FAM171A1: variants seen among roughly 807,000 people sequenced by gnomAD.
FAM171A1 encodes the protein protein FAM171A1.
A neutral mutation model predicts 74.9 loss-of-function variants in FAM171A1; 23 were observed. That is an observed-to-expected ratio of 0.31 (90% confidence interval 0.22 to 0.44). The LOEUF (loss-of-function observed/expected upper bound fraction) is 0.44, where lower values mean the gene tolerates loss of function less well. Ranked by LOEUF, FAM171A1 falls within the 20% of genes least tolerant of loss-of-function variation. The pLI, the probability that FAM171A1 is intolerant of heterozygous loss-of-function variation, is 1.00. For synonymous variants in FAM171A1, 527 were observed against 505.7 expected, an observed-to-expected ratio of 1.04 and a Z score of -0.57; for missense variants, 1,162 against 1,159.2, an observed-to-expected ratio of 1.00 and a Z score of -0.03.
At chr10:15,372,036 A>AGG, upstream of FAM171A1, among the ~76,000 whole-genome samples, 1 of 152,256 alleles carries the variant, frequency 6.6e-6, no homozygotes, top group Admixed American at 6.5e-5. Context: ...AAAGTCAGAC[A>AGG]TCCCCTGGCA....
At chr10:15,256,113 T>C (rs1834577539) in intron 3 of FAM171A1, among the ~76,000 whole-genome samples, 1 of 152,224 alleles carries the variant, frequency 6.6e-6, no homozygotes, top group Non-Finnish European at 1.5e-5. Context: ...ACATTCCACC[T>C]GTGCTTTGCT....
At chr10:15,231,243 C>T (rs1325622470) in intron 5 of FAM171A1, among the ~76,000 whole-genome samples, 1 of 151,940 alleles carries the variant, frequency 6.6e-6, no homozygotes, top group African/African-American at 2.4e-5. Flanking sequence ...CTCTCTCTAT[C>T]ACCCAGGCTG....
At position 15,214,206 on chromosome 10, in the gene FAM171A1, A is replaced by G; in HGVS notation, c.1382T>C (p.Val461Ala). ...TCTTGCCTTTAAGGGAAAAACCTCC[A>G]CTGACTTATGGTAGTCTTTCCCCAG... ...GTLGKDYHKS[V>A]EVFPLKARKS... The change falls in exon 8 of 8, where the codon GTG (valine) becomes GCG (alanine). Residue 461 changes from valine to alanine, a missense_variant. Transcript: ENST00000378116. The G allele has an allele frequency of 3.1e-6, 5 of 1,614,144 alleles. No homozygotes were observed. The highest frequency in any genetic ancestry group is 4.2e-6 in the Non-Finnish European group (5 of 1,180,016).
chr10:15,229,468 ATCACCATTG>A (rs897350729), intron 5 of FAM171A1, among the ~76,000 whole-genome samples: 10 of 151,386 alleles, frequency 6.6e-5, no homozygotes, highest in Admixed American at 5.3e-4. Flanking sequence ...TGTCACCATC[ATCACCATTG>A]TCACCCCATC....
intron 4 of FAM171A1, among the ~76,000 whole-genome samples, chr10:15,251,009 A>C (rs1834500454): frequency 6.6e-6 from 1 of 152,126 alleles, no homozygotes; most frequent in African/African-American, 2.4e-5. Flanking sequence ...CCAGCCCAGG[A>C]AGATGGAGTC....
intron 2 of FAM171A1, among the ~76,000 whole-genome samples, chr10:15,276,398 C>T (rs1834895655): frequency 1.3e-5 from 2 of 152,178 alleles, no homozygotes; most frequent in Admixed American, 1.3e-4. Flanking sequence ...CGAAGCTGGT[C>T]TCGAACTCCT....
intron 1 of FAM171A1, among the ~76,000 whole-genome samples, chr10:15,324,346 T>C (rs1411448533): frequency 6.6e-6 from 1 of 152,176 alleles, no homozygotes; most frequent in Non-Finnish European, 1.5e-5. Context: ...ATGCAGGTCC[T>C]TCCCCCATCC....
At chr10:15,283,549 T>C (rs1834996667) in intron 2 of FAM171A1, among the ~76,000 whole-genome samples, 2 of 152,164 alleles carry the variant, frequency 1.3e-5, no homozygotes, top group Non-Finnish European at 2.9e-5. Flanking sequence ...CCATATTGAA[T>C]GGTGGAGTTC....
At chr10:15,252,295 T>C (rs1834519663) in intron 4 of FAM171A1, among the ~76,000 whole-genome samples, 1 of 152,052 alleles carries the variant, frequency 6.6e-6, no homozygotes, top group Admixed American at 6.6e-5. Context: ...AACACAACCT[T>C]CATGGTACCC....
At chr10:15,310,455 A>G (rs1304888995) in intron 1 of FAM171A1, among the ~76,000 whole-genome samples, 2 of 152,166 alleles carry the variant, frequency 1.3e-5, no homozygotes, top group Non-Finnish European at 2.9e-5. Context: ...CCTTGAATGC[A>G]GAGTACCGTG....
intron 1 of FAM171A1, among the ~76,000 whole-genome samples, chr10:15,317,148 A>G (rs1349824724): frequency 1.3e-5 from 2 of 152,050 alleles, no homozygotes; most frequent in African/African-American, 4.8e-5. Flanking sequence ...CACCAGACAA[A>G]GAAAAGAGAT....
intron 1 of FAM171A1, among the ~76,000 whole-genome samples, chr10:15,288,369 T>C (rs767477925): frequency 3.7e-4 from 56 of 152,210 alleles, no homozygotes; most frequent in Non-Finnish European, 6.9e-4. Flanking sequence ...GAGTAAGTTT[T>C]TTAGTGGTGA....
intron 1 of FAM171A1, among the ~76,000 whole-genome samples, chr10:15,343,305 G>A (rs1304343030): frequency 6.6e-6 from 1 of 152,186 alleles, no homozygotes; most frequent in Non-Finnish European, 1.5e-5. Flanking sequence ...GGAGTTCGAG[G>A]CTATAGTGAG....
chr10:15,343,301 C>T (rs375542061), intron 1 of FAM171A1, among the ~76,000 whole-genome samples: 3 of 152,010 alleles, frequency 2.0e-5, no homozygotes, highest in Admixed American at 1.3e-4. Flanking sequence ...CCCAGGAGTT[C>T]GAGGCTATAG....
At chr10:15,253,307 A>G (rs1834533737) in intron 4 of FAM171A1, among the ~76,000 whole-genome samples, 1 of 152,148 alleles carries the variant, frequency 6.6e-6, no homozygotes, top group Admixed American at 6.6e-5. Flanking sequence ...CCCAGCCTTA[A>G]ACCACTTCTT....
chr10:15,373,992 A>G (rs1417756943), upstream of FAM171A1, among the ~76,000 whole-genome samples: 1 of 152,146 alleles, frequency 6.6e-6, no homozygotes, highest in Admixed American at 6.5e-5. Context: ...ATCTCTAGTG[A>G]TAAGTGGAAA....
chr10:15,334,194 C>T (rs950746263), intron 1 of FAM171A1, among the ~76,000 whole-genome samples: 1 of 152,212 alleles, frequency 6.6e-6, no homozygotes, highest in Non-Finnish European at 1.5e-5. Flanking sequence ...TGCCATTACC[C>T]TTTTCTCTAG....
chr10:15,351,446 A>G (rs903261190), intron 1 of FAM171A1, among the ~76,000 whole-genome samples: 7 of 152,166 alleles, frequency 4.6e-5, no homozygotes, highest in Non-Finnish European at 7.3e-5. Context: ...TCTCCTGAAT[A>G]CCTCTCAGGA....
chr10:15,242,268 T>C (rs185802977), intron 5 of FAM171A1, among the ~76,000 whole-genome samples: 5 of 152,190 alleles, frequency 3.3e-5, no homozygotes, highest in Admixed American at 2.0e-4. Context: ...ATTAATGTAA[T>C]AGCAACAAAA....
Sources: allele counts gnomAD v4.1 joint callset (sites outside exome capture counted in the v4.1 genomes callset), GRCh38; gene constraint gnomAD v4.1.1; transcripts MANE v1.5; gene names NCBI Gene and HGNC (gene_info 2026-07-23, HGNC 2026-07-21).